Variants in GLIPR1L2 observed in about 807,000 individuals in gnomAD.
The protein encoded by GLIPR1L2 is GLIPR1-like protein 2.
In GLIPR1L2, 21 loss-of-function variants were observed where a neutral mutation model predicts 28.4. That is an observed-to-expected ratio of 0.74 (90% CI 0.52 to 1.06). The LOEUF (loss-of-function observed/expected upper bound fraction) is 1.06. Among genes scored for constraint, GLIPR1L2 ranks in the 50% least tolerant of loss-of-function variants. The pLI is 0.00. For missense variants in GLIPR1L2, 476 were observed against 416.9 expected (o/e 1.14, Z -1.23); for synonymous variants, 145 against 139.3 (o/e 1.04, Z -0.29).
chr12:75,408,319 A>G (rs774258234), intron 1 of GLIPR1L2, among the ~76,000 whole-genome samples: 2 of 152,016 alleles, frequency 1.3e-5, no homozygotes, highest in Non-Finnish European at 2.9e-5. Context: ...AGAGTTGGGA[A>G]TTAGATTTCA....
At chr12:75,403,253 C>A in intron 1 of GLIPR1L2, 1 of 382,486 alleles carries the variant, frequency 2.6e-6, no homozygotes, top group South Asian at 2.0e-5. Context: ...AGCTGGATTA[C>A]AGTTTTAGAT....
At chr12:75,400,976 T>C (rs1164056936) in intron 1 of GLIPR1L2, among the ~76,000 whole-genome samples, 2 of 151,948 alleles carry the variant, frequency 1.3e-5, no homozygotes, top group African/African-American at 4.8e-5. Flanking sequence ...TTAAACATGG[T>C]AATTGAAGTT....
At position 75,391,594 on chromosome 12, in the gene GLIPR1L2, C is replaced by T. The variant is rs570146698; in HGVS notation, c.234+244C>T. On this transcript the variant is annotated intron_variant, in intron 1 of 5. Transcript: ENST00000550916. ...GTGATGGAGGCACTGGCCTGAAGTG[C>T]AGATTTTAAGGGGGCGCCAATTCAA... is the stretch of plus-strand genomic sequence containing the variant. The T allele has an allele frequency of 1.7e-5, 23 of 1,366,332 alleles. No homozygotes were observed. In the East Asian group the frequency reaches 5.2e-4, roughly 31 times the overall value. The allele number at this position is 1,366,332 out of a possible 1,614,324, so 84.6% of individuals were successfully genotyped here.
intron 1 of GLIPR1L2, among the ~76,000 whole-genome samples, chr12:75,395,000 T>C (rs1439456213): frequency 6.6e-6 from 1 of 152,000 alleles, no homozygotes; most frequent in Admixed American, 6.6e-5. Flanking sequence ...TTTTTGATGC[T>C]ATTGTGGTGG....
intron 1 of GLIPR1L2, among the ~76,000 whole-genome samples, chr12:75,405,916 CTA>C (rs1442521690): frequency 6.6e-6 from 1 of 151,334 alleles, no homozygotes; most frequent in African/African-American, 2.4e-5. Context: ...TGATGCAAAA[CTA>C]GAATTTGATT....
chr12:75,419,371 G>A (rs4415811), intron 3 of GLIPR1L2, among the ~76,000 whole-genome samples: 52,944 of 151,808 alleles, frequency 0.35, 9,600 homozygotes, highest in East Asian at 0.46. Flanking sequence ...AGAGGTAACA[G>A]GATCCAGAAT....
chr12:75,392,806 A>C (rs2045643805), intron 1 of GLIPR1L2, among the ~76,000 whole-genome samples: 1 of 152,048 alleles, frequency 6.6e-6, no homozygotes, highest in Non-Finnish European at 1.5e-5. Flanking sequence ...GATATTTTTA[A>C]ATATAGACAT....
intron 1 of GLIPR1L2, among the ~76,000 whole-genome samples, chr12:75,393,973 A>AT (rs1194277260): frequency 6.6e-6 from 1 of 151,924 alleles, no homozygotes; most frequent in Non-Finnish European, 1.5e-5. Context: ...TTATGAAGTG[A>AT]TACCTCACTG....
At chr12:75,409,242 G>T (rs1335059920) in intron 1 of GLIPR1L2, among the ~76,000 whole-genome samples, 2 of 151,950 alleles carry the variant, frequency 1.3e-5, no homozygotes, top group East Asian at 3.9e-4. Flanking sequence ...GGACACTCCT[G>T]CTCTAAGGAA....
intron 1 of GLIPR1L2, among the ~76,000 whole-genome samples, chr12:75,407,206 G>A (rs573458848): frequency 2.0e-4 from 30 of 152,178 alleles, no homozygotes; most frequent in African/African-American, 7.2e-4. Flanking sequence ...TGTGTTTGGA[G>A]TTGAGCCTCA....
intron 1 of GLIPR1L2, among the ~76,000 whole-genome samples, chr12:75,405,636 GCAGTTTGT>G (rs1028143044): frequency 4.4e-5 from 5 of 112,798 alleles, no homozygotes; most frequent in African/African-American, 1.4e-4. Flanking sequence ...GGCAGCAGAC[GCAGTTTGT>G]CAGTTTGCCA....
chr12:75,400,358 G>A (rs1219929708), intron 1 of GLIPR1L2, among the ~76,000 whole-genome samples: 2 of 152,044 alleles, frequency 1.3e-5, no homozygotes, highest in Admixed American at 1.3e-4. Context: ...TCCTGACCTC[G>A]TGATCCTCCC....
chr12:75,431,176 G>A lies in GLIPR1L2; in HGVS notation c.*15G>A, dbSNP rs1207781612. The stretch of plus-strand genomic sequence containing the variant: ...AGGAAAAATAAGAGTAGAAAGAGGA[G>A]GAAAAAGATGTATCACCAATATAAA... On this transcript the variant is annotated 3_prime_UTR_variant, in exon 6 of 6. Coordinates refer to ENST00000550916, the MANE Select transcript of GLIPR1L2 (RefSeq NM_001270396.2). 2.1e-5 allele frequency: 13 copies of A among 604,672 alleles called. No homozygotes were observed. Among genetic ancestry groups the A allele is most frequent in the South Asian group, 4.5e-5 (2 of 44,136 alleles). 37.5% of individuals were successfully genotyped at this position (604,672 alleles called of 1,614,324 possible). A position where few individuals can be genotyped will look rare whatever the true frequency, so the allele number is the denominator to read the frequency against.
In GLIPR1L2 at chr12:75,430,754, G is replaced by C. The variant is rs1368225419; in HGVS notation, c.697+13G>C. ...GACCAAGCCACATGTATGTATTGTT[G>C]TCCTTTATTTCTTGAACAATTGAAC... On this transcript the variant is annotated intron_variant, in intron 5 of 5. Transcript: ENST00000550916. The C allele has an allele frequency of 6.5e-7, 1 of 1,534,624 alleles. No homozygotes were observed. Among genetic ancestry groups the C allele is most frequent in the Admixed American group, 2.0e-5 (1 of 50,734 alleles).
In GLIPR1L2 at chr12:75,400,292, T is replaced by C. The variant is rs576210563; in HGVS notation, c.234+8942T>C. 1.1e-4 allele frequency among the ~76,000 whole-genome samples: 17 copies of C among 152,028 alleles called. No individual in the cohort carries two copies. The South Asian group carries it at 3.5e-3, about 32-fold the overall frequency. ...TGCCACCACGCCCGGCTAATTTTTT[T>C]TTGTATTTTTTTTAGTAGATATAGG... On this transcript the variant is annotated intron_variant, in intron 1 of 5. Transcript: ENST00000550916.
At chr12:75,400,994 G>C (rs2045735096) in intron 1 of GLIPR1L2, among the ~76,000 whole-genome samples, 1 of 151,916 alleles carries the variant, frequency 6.6e-6, no homozygotes, top group Non-Finnish European at 1.5e-5. Context: ...GTTAAAGATA[G>C]TTAAGATAAT....
chr12:75,409,554 T>TGG (rs2045839341), intron 1 of GLIPR1L2, among the ~76,000 whole-genome samples: 2 of 116,216 alleles, frequency 1.7e-5, no homozygotes, highest in East Asian at 2.9e-4. Context: ...AGATTTTTTT[T>TGG]GGGTGTGTGT....
intron 1 of GLIPR1L2, among the ~76,000 whole-genome samples, chr12:75,403,810 G>A (rs1033913820): frequency 2.6e-5 from 4 of 152,058 alleles, no homozygotes; most frequent in Non-Finnish European, 5.9e-5. Context: ...GCCCCCATTA[G>A]AGGCTTTCAA....
chr12:75,431,261 C>T lies in GLIPR1L2; in HGVS notation c.*100C>T. 2 of 585,226 alleles carry T rather than the reference C, an allele frequency of 3.4e-6. No individual in the cohort carries two copies. Among genetic ancestry groups the T allele is most frequent in the Non-Finnish European group, 6.0e-6 (2 of 333,584 alleles). The allele number at this position is 585,226 out of a possible 1,614,324, so 36.3% of individuals were successfully genotyped here. Reference sequence around the variant, plus strand: ...AAAAAAGTAAAACACTGAGTTTTAACAAGAAAGAAAATATGCAAACCACCA... The same window carrying T: ...AAAAAAGTAAAACACTGAGTTTTAATAAGAAAGAAAATATGCAAACCACCA... On this transcript the variant is annotated 3_prime_UTR_variant, in exon 6 of 6. Transcript: ENST00000550916.
Sources: allele counts gnomAD v4.1 joint callset (sites outside exome capture counted in the v4.1 genomes callset), GRCh38; gene constraint gnomAD v4.1.1; transcripts MANE v1.5; gene names NCBI Gene and HGNC (gene_info 2026-07-23, HGNC 2026-07-21).